The following DMD variants were observed in gnomAD, a reference collection of about 807,000 sequenced individuals.
DMD encodes the protein dystrophin.
Under a neutral mutation model 330.1 loss-of-function variants are expected in DMD, and 63 were observed. The ratio of observed to expected loss-of-function variants is 0.19; its 90% CI spans 0.16 to 0.24. The LOEUF (loss-of-function observed/expected upper bound fraction) is 0.24. Among genes scored for constraint, DMD ranks in the 10% least tolerant of loss-of-function variants. The pLI is 1.00. For missense variants in DMD, 3,344 were observed against 2,684.1 expected, an observed-to-expected ratio of 1.25 and a Z score of -5.43; for synonymous variants, 1,223 against 959.8, an observed-to-expected ratio of 1.27 and a Z score of -5.07.
At chrX:33,059,752 G>A (rs1350045377) in intron 1 of DMD, among the ~76,000 whole-genome samples, 1 of 112,028 alleles carries the variant, frequency 8.9e-6, no homozygotes, top group Non-Finnish European at 1.9e-5. Flanking sequence ...TTGAAGGTAT[G>A]TTATAGAATA....
intron 64 of DMD, among the ~76,000 whole-genome samples, chrX:31,217,591 A>G (rs1158695842): frequency 8.9e-6 from 1 of 112,283 alleles, no homozygotes; most frequent in Non-Finnish European, 1.9e-5. Context: ...AGGGAAAGCT[A>G]GCCAGGGCAA....
intron 2 of DMD, among the ~76,000 whole-genome samples, chrX:32,866,890 C>T (rs1370116376): frequency 4.5e-5 from 5 of 110,561 alleles, no homozygotes; most frequent in East Asian, 5.8e-4. Context: ...CATGCCACCA[C>T]GCCCAGCTGA....
At chrX:31,748,949 C>T (rs1461568545) in intron 51 of DMD, among the ~76,000 whole-genome samples, 1 of 110,802 alleles carries the variant, frequency 9.0e-6, no homozygotes, top group African/African-American at 3.3e-5. Flanking sequence ...ATAATGTAGC[C>T]GAAGCTGGGC....
At chrX:33,216,077 G>T (rs1010080347), upstream of DMD, among the ~76,000 whole-genome samples, 1 of 112,164 alleles carries the variant, frequency 8.9e-6, no homozygotes, top group Non-Finnish European at 1.9e-5. Context: ...GACGTTGGTA[G>T]TTTGATAAGA....
intron 18 of DMD, chrX:32,516,765 T>G (rs1042564053): frequency 9.0e-6 from 1 of 111,705 alleles, no homozygotes; most frequent in African/African-American, 3.3e-5. Flanking sequence ...AGCAAACAAT[T>G]TACCTTCAAA....
intron 44 of DMD, among the ~76,000 whole-genome samples, chrX:32,035,973 A>C (rs1281083049): frequency 8.9e-6 from 1 of 111,824 alleles, no homozygotes; most frequent in Non-Finnish European, 1.9e-5. Context: ...ACATTTAAGA[A>C]TCTGAAAGGA....
chrX:31,549,283 T>C (rs1262908560), intron 55 of DMD, among the ~76,000 whole-genome samples: 1 of 110,228 alleles, frequency 9.1e-6, no homozygotes, highest in Non-Finnish European at 1.9e-5. Context: ...AAATTAAAGA[T>C]GATCTGAATT....
chrX:33,283,794 G>A (rs2053380305), intron 1 of DMD, among the ~76,000 whole-genome samples: 1 of 110,373 alleles, frequency 9.1e-6, no homozygotes, highest in Non-Finnish European at 1.9e-5. Flanking sequence ...CGAGGCGGGT[G>A]GATCACAAGG....
chrX:31,466,688 T>G (rs2066882319), intron 59 of DMD, among the ~76,000 whole-genome samples: 1 of 111,852 alleles, frequency 8.9e-6, no homozygotes, highest in South Asian at 3.8e-4. Context: ...GTTTTTCTAA[T>G]TATGTGAAGA....
intron 62 of DMD, among the ~76,000 whole-genome samples, chrX:31,317,818 A>G (rs2056146565): frequency 9.0e-6 from 1 of 111,516 alleles, no homozygotes; most frequent in African/African-American, 3.3e-5. Flanking sequence ...GCCTGAGGAA[A>G]TGTTTTCTAT....
chrX:32,181,033 T>A (rs1187639521), intron 44 of DMD, among the ~76,000 whole-genome samples: 1 of 111,887 alleles, frequency 8.9e-6, no homozygotes, highest in Non-Finnish European at 1.9e-5. Context: ...TAGGAGTCTT[T>A]TGTTACTCAT....
At chrX:31,690,358 A>C (rs1254668970) in intron 52 of DMD, among the ~76,000 whole-genome samples, 1 of 112,492 alleles carries the variant, frequency 8.9e-6, no homozygotes, top group African/African-American at 3.2e-5. Flanking sequence ...GCCAAAAGAC[A>C]CATGAAAAAA....
intron 2 of DMD, among the ~76,000 whole-genome samples, chrX:32,952,660 TTA>T (rs1188123713): frequency 8.9e-6 from 1 of 112,072 alleles, no homozygotes; most frequent in Non-Finnish European, 1.9e-5. Flanking sequence ...AGAGTTTAAA[TTA>T]TAGTTTTATA....
At chrX:31,132,544 A>T (rs1323855455) in intron 77 of DMD, among the ~76,000 whole-genome samples, 1 of 111,750 alleles carries the variant, frequency 8.9e-6, no homozygotes, top group African/African-American at 3.2e-5. Context: ...AACTTTCCAG[A>T]GCAGGTAAGC....
chrX:32,034,936 T>A (rs1289356770), intron 44 of DMD, among the ~76,000 whole-genome samples: 1 of 112,011 alleles, frequency 8.9e-6, no homozygotes, highest in African/African-American at 3.2e-5. Context: ...AAGAAAAATG[T>A]GATTTCTTGC....
chrX:32,521,718 T>C (rs1177629524), intron 17 of DMD, among the ~76,000 whole-genome samples: 1 of 112,412 alleles, frequency 8.9e-6, no homozygotes, highest in Non-Finnish European at 1.9e-5. Flanking sequence ...AAACTAGTAC[T>C]CTATCAGTAT....
Position 32,964,255 on chromosome X carries a change from C to CAAAAAAAAAAA in DMD, c.93+55873_93+55883dup, listed in dbSNP as rs781702491. Among the ~76,000 whole-genome samples, 222 of 35,170 alleles carry CAAAAAAAAAAA rather than the reference C, an allele frequency of 6.3e-3. 16 individuals are homozygous for CAAAAAAAAAAA. Among genetic ancestry groups the CAAAAAAAAAAA allele is most frequent in the African/African-American group, 0.024 (212 of 8,775 alleles). The allele number at this position is 35,170 out of a possible 115,157, so 30.5% of individuals were successfully genotyped here. A position where few individuals can be genotyped will look rare whatever the true frequency, so the allele number is the denominator to read the frequency against. On this transcript the variant is annotated intron_variant, in intron 2 of 78. Coordinates refer to ENST00000357033, the MANE Select transcript of DMD (RefSeq NM_004006.3). ...CTGGTGACAGAGCAAGACTCCATCT[C>CAAAAAAAAAAA]AAAAAAAAAAAAAAAAAAAATTCAC...
intron 47 of DMD, among the ~76,000 whole-genome samples, chrX:31,881,825 T>C: frequency 8.9e-6 from 1 of 111,867 alleles, no homozygotes; most frequent in East Asian, 2.8e-4. Context: ...AATCACCTAA[T>C]GACACATTTT....
intron 29 of DMD, among the ~76,000 whole-genome samples, chrX:32,417,448 T>C (rs139444409): frequency 8.2e-4 from 91 of 110,594 alleles, no homozygotes; most frequent in Middle Eastern, 4.7e-3. Flanking sequence ...GAGTCCAGAG[T>C]AGATAGGGAT....
Sources: allele counts gnomAD v4.1 joint callset (sites outside exome capture counted in the v4.1 genomes callset), GRCh38; gene constraint gnomAD v4.1.1; transcripts MANE v1.5; gene names NCBI Gene and HGNC (gene_info 2026-07-23, HGNC 2026-07-21).